Variants in HEATR5A observed in about 807,000 individuals in gnomAD.
HEATR5A encodes HEAT repeat-containing protein 5A.
A neutral mutation model predicts 218.8 loss-of-function variants in HEATR5A; 178 were observed. The ratio of observed to expected loss-of-function variants is 0.81; its 90% confidence interval spans 0.72 to 0.92. The LOEUF is 0.92. HEATR5A is among the 40% of genes least tolerant of loss of function. HEATR5A has a pLI of 0.00. For missense variants in HEATR5A, 2,420 were observed against 2,418.9 expected (o/e 1.00, Z -0.01); for synonymous variants, 864 against 871.6 (o/e 0.99, Z 0.15).
intron 2 of HEATR5A, among the ~76,000 whole-genome samples, chr14:31,402,387 C>T (rs759368198): frequency 2.2e-4 from 34 of 152,098 alleles, no homozygotes; most frequent in Admixed American, 2.6e-4. Context: ...ATCAGTTTTC[C>T]TTTTTCACAC....
chr14:31,303,998 G>A (rs908819859), intron 32 of HEATR5A, among the ~76,000 whole-genome samples: 2 of 151,940 alleles, frequency 1.3e-5, no homozygotes, highest in African/African-American at 2.4e-5. Context: ...TTGAGGCCAG[G>A]AGTTCAAGAC....
At chr14:31,375,675 T>C (rs1243159648) in intron 11 of HEATR5A, among the ~76,000 whole-genome samples, 2 of 152,188 alleles carry the variant, frequency 1.3e-5, no homozygotes, top group Non-Finnish European at 2.9e-5. Flanking sequence ...GTGCTGGAAT[T>C]ACAGATGTGA....
At chr14:31,359,287 AGT>A (rs35338545) in intron 14 of HEATR5A, among the ~76,000 whole-genome samples, 1,171 of 50,420 alleles carry the variant, frequency 0.023, 8 homozygotes, top group Non-Finnish European at 0.03. Context: ...AAAGTGTAAG[AGT>A]GTGTGTGTGT....
At chr14:31,393,561 C>T (rs1265677363) in intron 6 of HEATR5A, among the ~76,000 whole-genome samples, 1 of 152,172 alleles carries the variant, frequency 6.6e-6, no homozygotes, top group East Asian at 1.9e-4. Flanking sequence ...TAAAGTACAC[C>T]ACACTTCAAG....
At chr14:31,336,200 TTATATATACATACATACATATA>T (rs1900646961) in intron 22 of HEATR5A, among the ~76,000 whole-genome samples, 2 of 112,264 alleles carry the variant, frequency 1.8e-5, no homozygotes, top group African/African-American at 6.3e-5. Context: ...GGGGTTATTT[TTATATATACATACATACATATA>T]TATATATATA....
chr14:31,297,389 G>C (rs1668234980), intron 33 of HEATR5A: 1 of 152,292 alleles, frequency 6.6e-6, no homozygotes, highest in African/African-American at 2.4e-5. Context: ...AGGACTGGTT[G>C]AGTCCAGGAG....
chr14:31,309,400 A>G (rs913647357), intron 28 of HEATR5A, among the ~76,000 whole-genome samples: 1 of 152,186 alleles, frequency 6.6e-6, no homozygotes, highest in Non-Finnish European at 1.5e-5. Context: ...TCACATATAC[A>G]TATGTACTTA....
intron 35 of HEATR5A, 112 bp from the exon 36 acceptor site, chr14:31,293,724 A>G: frequency 8.8e-7 from 1 of 1,131,318 alleles, no homozygotes; most frequent in East Asian, 2.6e-5. Flanking sequence ...CAATTCGTCC[A>G]ATCTCTTCTA....
At chr14:31,369,608 C>CAAAAAAAAAAA (rs71430951) in intron 13 of HEATR5A, among the ~76,000 whole-genome samples, 1 of 45,146 alleles carries the variant, frequency 2.2e-5, no homozygotes, top group African/African-American at 9.4e-5. Context: ...AAAACTGTCT[C>CAAAAAAAAAAA]AAAAAAAAAA....
chr14:31,358,204 A>G (rs1437039809), intron 16 of HEATR5A, among the ~76,000 whole-genome samples: 1 of 152,182 alleles, frequency 6.6e-6, no homozygotes, highest in Non-Finnish European at 1.5e-5. Context: ...CCACTGGTCT[A>G]AAGTTCATTT....
At chr14:31,357,325 T>C (rs1901458110) in intron 16 of HEATR5A, among the ~76,000 whole-genome samples, 1 of 152,220 alleles carries the variant, frequency 6.6e-6, no homozygotes, top group South Asian at 2.1e-4. Context: ...TTCTAAGTCT[T>C]CACCAAAGAG....
rs372116108 is a variant in HEATR5A, at chr14:31,337,576, T to C, written c.3267A>G (p.Ala1089=). Residue 1089 remains alanine, a synonymous_variant, in exon 22 of 36, where the codon GCA becomes GCG. Coordinates refer to ENST00000543095, the MANE Select transcript of HEATR5A (RefSeq NM_015473.4). ...CAAGCTGACGTAAGCAAGCCAGTAC[T>C]GCTCTTCTCAGTAACAAGTAGGGGC... The part of the protein sequence containing the change: ...LCSPYLLLRR[A]VLACLRQLVQ... 3.1e-6 allele frequency: 5 copies of C among 1,599,474 alleles called. No individual in the cohort carries two copies. Among genetic ancestry groups the C allele is most frequent in the Non-Finnish European group, 3.4e-6 (4 of 1,172,780 alleles).
chr14:31,414,720 C>T (rs2031389241), intron 1 of HEATR5A, among the ~76,000 whole-genome samples: 1 of 152,146 alleles, frequency 6.6e-6, no homozygotes, highest in African/African-American at 2.4e-5. Flanking sequence ...TCTTCCTTTT[C>T]CCTCTCCTCT....
intron 33 of HEATR5A, among the ~76,000 whole-genome samples, chr14:31,299,163 C>T (rs1185261982): frequency 1.3e-5 from 2 of 152,156 alleles, no homozygotes; most frequent in African/African-American, 4.8e-5. Flanking sequence ...TATCTCTAGC[C>T]CAGACTACTT....
intron 16 of HEATR5A, among the ~76,000 whole-genome samples, chr14:31,353,255 T>C (rs1246950962): frequency 2.0e-5 from 3 of 152,180 alleles, no homozygotes; most frequent in African/African-American, 4.8e-5. Context: ...ACTTGTTTTG[T>C]TTCCCCTAAA....
At chr14:31,364,152 C>A (rs371140837) in intron 14 of HEATR5A, 37 bp downstream of exon 14, 9 of 857,352 alleles carry the variant, frequency 1.0e-5, no homozygotes, top group East Asian at 2.7e-5. Flanking sequence ...ACCATACTAG[C>A]CACAAACAAA....
intron 10 of HEATR5A, among the ~76,000 whole-genome samples, chr14:31,381,458 G>A (rs539585904): frequency 6.6e-6 from 1 of 150,484 alleles, no homozygotes; most frequent in Non-Finnish European, 1.5e-5. Flanking sequence ...CAAGGTGGGA[G>A]GACCAATTGA....
chr14:31,380,711 G>A (rs2029944301), intron 10 of HEATR5A, 133 bp from the exon 11 acceptor site: 2 of 645,026 alleles, frequency 3.1e-6, no homozygotes, highest in South Asian at 2.0e-5. Context: ...TGTCATTCGT[G>A]TAGACTACAT....
chr14:31,311,733 C>G (rs188113208), intron 28 of HEATR5A, among the ~76,000 whole-genome samples: 35 of 152,188 alleles, frequency 2.3e-4, no homozygotes, highest in African/African-American at 7.9e-4. Flanking sequence ...AAATGAATTT[C>G]TGATGCTGCA....
Sources: allele counts gnomAD v4.1 joint callset (sites outside exome capture counted in the v4.1 genomes callset), GRCh38; gene constraint gnomAD v4.1.1; transcripts MANE v1.5; gene names NCBI Gene and HGNC (gene_info 2026-07-23, HGNC 2026-07-21).